The following RCBTB1 variants were observed in gnomAD, a reference collection of about 807,000 sequenced individuals.
The protein encoded by RCBTB1 is RCC1 and BTB domain containing protein 1.
Under a neutral mutation model 62.4 loss-of-function variants are expected in RCBTB1, and 46 were observed. The ratio of observed to expected loss-of-function variants is 0.74; its 90% CI spans 0.58 to 0.94. RCBTB1 has a LOEUF of 0.94. Ranked by LOEUF, RCBTB1 falls within the 40% of genes least tolerant of loss-of-function variation. The pLI is 0.00. For synonymous variants in RCBTB1, 222 were observed against 245.8 expected (o/e 0.90, Z 0.91); for missense variants, 565 against 654.9 (o/e 0.86, Z 1.50).
At chr13:49,561,644 T>A (rs1465109719) in intron 4 of RCBTB1, among the ~76,000 whole-genome samples, 1 of 152,142 alleles carries the variant, frequency 6.6e-6, no homozygotes, top group Non-Finnish European at 1.5e-5. Context: ...TACATAAACT[T>A]ATAAAGTTTA....
At chr13:49,570,804 T>G (rs953291312) in intron 2 of RCBTB1, among the ~76,000 whole-genome samples, 1 of 152,224 alleles carries the variant, frequency 6.6e-6, no homozygotes, top group African/African-American at 2.4e-5. Flanking sequence ...CATTTAATCT[T>G]CGTAATACTC....
chr13:49,560,034 C>T lies in RCBTB1; in HGVS notation c.328G>A (p.Gly110Arg), dbSNP rs375367070. The T allele has an allele frequency of 1.2e-6, 2 of 1,614,160 alleles. No individual in the cohort carries two copies. Among genetic ancestry groups the T allele is most frequent in the Non-Finnish European group, 1.7e-6 (2 of 1,180,018 alleles). Reference protein sequence around the residue: ...GHNGYSQLGNGTTNQGIAPVQ... With the variant: ...GHNGYSQLGNRTTNQGIAPVQ... ...GGAGCAATGCCTTGGTTGGTCGTCC[C>T]ATTCCCAAGCTGGCTATATCCATTG... The change falls in exon 5 of 13, where the codon GGG (glycine) becomes AGG (arginine). Residue 110 changes from glycine (G) to arginine (R), a missense_variant. Gly to Arg is a moderately radical substitution (Grantham distance 125, BLOSUM62 -2). Coordinates refer to ENST00000378302, the MANE Select transcript of RCBTB1 (RefSeq NM_018191.4).
intron 2 of RCBTB1, among the ~76,000 whole-genome samples, chr13:49,576,065 T>C (rs1963762711): frequency 6.7e-6 from 1 of 150,020 alleles, no homozygotes; most frequent in Non-Finnish European, 1.5e-5. Flanking sequence ...CGGGCACCAG[T>C]AGTCCCAGCT....
chr13:49,573,198 T>C (rs542101033), intron 2 of RCBTB1, among the ~76,000 whole-genome samples: 2 of 152,336 alleles, frequency 1.3e-5, no homozygotes, highest in South Asian at 2.1e-4. Context: ...AAACAATATG[T>C]CCTGTATGAT....
At position 49,560,094 on chromosome 13, in the gene RCBTB1, C is replaced by A. The variant is rs754573796; in HGVS notation, c.278-10G>T. The A allele has an allele frequency of 3.7e-6, 6 of 1,606,136 alleles. No homozygotes were observed. The highest frequency in any genetic ancestry group is 5.1e-6 in the Non-Finnish European group (6 of 1,177,416). On this transcript the variant is annotated splice_polypyrimidine_tract_variant and intron_variant, in intron 4 of 12. Coordinates refer to ENST00000378302, the MANE Select transcript of RCBTB1 (RefSeq NM_018191.4). Reference sequence around the variant, plus strand: ...GCATAAACCACTCCATCTGTGCACACAAAGCACACAAAAAATCAGCTCCAA... The same window carrying A: ...GCATAAACCACTCCATCTGTGCACAAAAAGCACACAAAAAATCAGCTCCAA...
chr13:49,576,346 C>A (rs760108178), intron 2 of RCBTB1, among the ~76,000 whole-genome samples: 1 of 151,756 alleles, frequency 6.6e-6, no homozygotes, highest in Non-Finnish European at 1.5e-5. Context: ...CCTTTTACCC[C>A]AATTTTTTAA....
rs748367135 is a variant in RCBTB1 at position 49,534,194 on chromosome 13, A to C, written c.1524T>G (p.Phe508Leu). 3 of 1,614,106 alleles carry C rather than the reference A, an allele frequency of 1.9e-6. No homozygotes were observed. The African/African-American group carries it at 4.0e-5, about 22-fold the overall frequency. Residue 508 changes from phenylalanine (F) to leucine (L), a missense_variant, in exon 13 of 13, where the codon TTT becomes TTG. Phe to Leu is a conservative substitution (Grantham distance 22, BLOSUM62 0). Transcript: ENST00000378302. The part of the protein sequence containing the change: ...HLTEVTQTAA[F>L]WQMDGPLLKE... ...TTAGCAGAGGGCCATCCATTTGCCA[A>C]AATGCTGCAGTCTGTGTAACTTCTG...
In RCBTB1 at chr13:49,581,266, C is replaced by T. The variant is rs150140298; in HGVS notation, c.-121-682G>A. Among the ~76,000 whole-genome samples the T allele has an allele frequency of 4.2e-3, 635 of 151,782 alleles. 6 individuals are homozygous for T. The highest frequency in any genetic ancestry group is 0.015 in the African/African-American group (610 of 41,408). On this transcript the variant is annotated intron_variant, in intron 1 of 12. Transcript: ENST00000378302. ...CCAGAAAAGAAGGGATTGAAGCCCA[C>T]ACTAGGGAAATGGAGAAAATTGAAC...
At chr13:49,550,292 ATGTAACTTT>A (rs1232087686) in intron 8 of RCBTB1, 1 of 244,458 alleles carries the variant, frequency 4.1e-6, no homozygotes, top group Non-Finnish European at 6.6e-6. Context: ...TTCTTTATAA[ATGTAACTTT>A]TTCTCTCATC....
intron 2 of RCBTB1, among the ~76,000 whole-genome samples, chr13:49,575,982 C>T (rs961369247): frequency 9.9e-5 from 15 of 151,924 alleles, no homozygotes; most frequent in Admixed American, 5.9e-4. Flanking sequence ...GGTCAGAGAT[C>T]GAGACCATCC....
chr13:49,548,034 C>G (rs1380893143), intron 9 of RCBTB1, among the ~76,000 whole-genome samples: 1 of 152,128 alleles, frequency 6.6e-6, no homozygotes, highest in Non-Finnish European at 1.5e-5. Context: ...CCACCTTGGC[C>G]TCCCAAAGTG....
chr13:49,549,344 A>G, intron 9 of RCBTB1, 114 bp downstream of exon 9: 2 of 957,744 alleles, frequency 2.1e-6, no homozygotes, highest in Non-Finnish European at 3.1e-6. Context: ...AACGTATGAA[A>G]GCTAATAGAG....
At chr13:49,538,072 C>T (rs924940964) in intron 12 of RCBTB1, 1 of 152,174 alleles carries the variant, frequency 6.6e-6, no homozygotes, top group Non-Finnish European at 1.5e-5. Context: ...TCTAGCATCC[C>T]CAAGTTGAGC....
intron 1 of RCBTB1, among the ~76,000 whole-genome samples, chr13:49,582,625 G>A (rs112544316): frequency 2.6e-4 from 40 of 152,364 alleles, no homozygotes; most frequent in African/African-American, 9.6e-4. Flanking sequence ...CCAGATGCTG[G>A]AGACATACTC....
intron 9 of RCBTB1, among the ~76,000 whole-genome samples, chr13:49,548,529 C>T (rs191962445): frequency 3.3e-5 from 5 of 151,712 alleles, no homozygotes; most frequent in East Asian, 3.9e-4. Flanking sequence ...GCACTACCCA[C>T]GAGAGTCAAA....
At chr13:49,564,081 CA>C (rs1212274242) in intron 4 of RCBTB1, among the ~76,000 whole-genome samples, 2 of 152,162 alleles carry the variant, frequency 1.3e-5, no homozygotes, top group African/African-American at 4.8e-5. Context: ...TGGGTGCCCA[CA>C]GTACAGATCG....
At chr13:49,546,237 A>G in intron 9 of RCBTB1, 2 of 985,402 alleles carry the variant, frequency 2.0e-6, no homozygotes, top group African/African-American at 1.7e-5. Context: ...GGCAACAAGT[A>G]TAGTACATCC....
At chr13:49,547,592 G>T (rs1309273242) in intron 9 of RCBTB1, among the ~76,000 whole-genome samples, 1 of 152,162 alleles carries the variant, frequency 6.6e-6, no homozygotes, top group African/African-American at 2.4e-5. Flanking sequence ...AGCTTTTTCA[G>T]CCAATAATGG....
intron 1 of RCBTB1, among the ~76,000 whole-genome samples, chr13:49,583,539 G>A (rs749822540): frequency 2.6e-5 from 4 of 151,856 alleles, no homozygotes; most frequent in African/African-American, 4.8e-5. Context: ...TCTTCAGCAC[G>A]TACACAACAT....
Sources: gnomAD v4.1 joint callset for allele counts (sites outside exome capture counted in the v4.1 genomes callset) on GRCh38, gnomAD v4.1.1 for gene constraint, MANE v1.5 for transcripts, NCBI Gene and HGNC (gene_info 2026-07-23, HGNC 2026-07-21) for gene names.